PREP: variants seen among roughly 807,000 people sequenced by gnomAD.
PREP encodes the protein prolyl endopeptidase.
In PREP, 29 loss-of-function variants were observed where a neutral mutation model predicts 87.6. That is an observed-to-expected ratio of 0.33 (90% CI 0.25 to 0.45). The LOEUF is 0.45. PREP is among the 20% of genes least tolerant of loss of function. The pLI is 1.00. For synonymous variants in PREP, 337 were observed against 328.6 expected, an observed-to-expected ratio of 1.03 and a Z score of -0.28; for missense variants, 695 against 886.5, an observed-to-expected ratio of 0.78 and a Z score of 2.74.
At chr6:105,343,418 A>C (rs1234106620) in intron 7 of PREP, among the ~76,000 whole-genome samples, 2 of 152,228 alleles carry the variant, frequency 1.3e-5, no homozygotes, top group Non-Finnish European at 2.9e-5. Context: ...AAAAACCATA[A>C]AAACCCTAGA....
chr6:105,362,899 T>G (rs538304797), intron 6 of PREP, among the ~76,000 whole-genome samples: 27 of 152,192 alleles, frequency 1.8e-4, no homozygotes, highest in African/African-American at 6.3e-4. Context: ...GGAACACCAC[T>G]GGACTTTTCT....
intron 10 of PREP, among the ~76,000 whole-genome samples, chr6:105,321,432 G>A (rs757708933): frequency 5.3e-5 from 8 of 152,236 alleles, no homozygotes; most frequent in Non-Finnish European, 1.2e-4. Context: ...ACCTGGCAGC[G>A]CCGAAGCGCA....
At chr6:105,344,530 G>T (rs1390099302) in intron 7 of PREP, among the ~76,000 whole-genome samples, 1 of 151,328 alleles carries the variant, frequency 6.6e-6, no homozygotes, top group Non-Finnish European at 1.5e-5. Context: ...GTCCTTTGTA[G>T]GGACATGGAT....
chr6:105,285,370 T>A, intron 12 of PREP, 116 bp downstream of exon 12: 1 of 944,202 alleles, frequency 1.1e-6, no homozygotes, highest in South Asian at 1.7e-5. Context: ...TTTTCATTCG[T>A]CTAGCCAAAA....
Position 105,367,439 on chromosome 6 carries a change from C to T in PREP, c.717+1464G>A, listed in dbSNP as rs1056077169. 8.5e-5 allele frequency among the ~76,000 whole-genome samples: 13 copies of T among 152,076 alleles called. No homozygotes were observed. The East Asian group carries it at 1.9e-3, about 23-fold the overall frequency. ...CATGAAAAACGGACAATTGGGAGGC[C>T]GAAGCGGGCGGATCACGAGGTCAGG... is the stretch of plus-strand genomic sequence containing the variant. On this transcript the variant is annotated intron_variant, in intron 6 of 14. Transcript: ENST00000652536.
intron 2 of PREP, among the ~76,000 whole-genome samples, chr6:105,380,620 G>C (rs1418130457): frequency 6.6e-6 from 1 of 152,162 alleles, no homozygotes; most frequent in African/African-American, 2.4e-5. Context: ...AGTGGAAACA[G>C]AGAAAATGGG....
chr6:105,301,370 C>T (rs375151167), intron 10 of PREP, among the ~76,000 whole-genome samples: 12 of 152,222 alleles, frequency 7.9e-5, no homozygotes, highest in African/African-American at 2.9e-4. Context: ...AGGCAGCATG[C>T]AGAGGAACAA....
chr6:105,328,382 T>A (rs1328466785), intron 9 of PREP, among the ~76,000 whole-genome samples: 2 of 151,962 alleles, frequency 1.3e-5, no homozygotes, highest in Non-Finnish European at 2.9e-5. Context: ...CTCAGCCTCC[T>A]GAGCAGCTGG....
At chr6:105,330,499 C>G (rs1023146803) in intron 8 of PREP, among the ~76,000 whole-genome samples, 1 of 152,060 alleles carries the variant, frequency 6.6e-6, no homozygotes, top group African/African-American at 2.4e-5. Flanking sequence ...GCTGGGAGAG[C>G]AGGAGTGAGA....
At chr6:105,393,322 G>A (rs766738407) in intron 2 of PREP, among the ~76,000 whole-genome samples, 27 of 152,012 alleles carry the variant, frequency 1.8e-4, no homozygotes, top group African/African-American at 4.6e-4. Context: ...AGTGCCTGGC[G>A]TTTAAGGCTA....
intron 10 of PREP, among the ~76,000 whole-genome samples, chr6:105,314,557 AC>A (rs1299750025): frequency 2.6e-5 from 4 of 152,198 alleles, no homozygotes; most frequent in African/African-American, 9.6e-5. Context: ...TTGCTCATTC[AC>A]AAGAAGGCAA....
chr6:105,375,324 T>C (rs1481664010), intron 4 of PREP, among the ~76,000 whole-genome samples: 1 of 152,210 alleles, frequency 6.6e-6, no homozygotes. Flanking sequence ...TAACTAATCA[T>C]ATGGTTTTTT....
chr6:105,342,815 C>T (rs1196405884), intron 7 of PREP, among the ~76,000 whole-genome samples: 1 of 152,196 alleles, frequency 6.6e-6, no homozygotes, highest in Non-Finnish European at 1.5e-5. Context: ...AGGAATCCAA[C>T]TTACAAGGGA....
chr6:105,281,606 G>A (rs1770081868), intron 14 of PREP, 140 bp downstream of exon 14: 1 of 1,001,720 alleles, frequency 1.0e-6, no homozygotes, highest in African/African-American at 1.6e-5. Flanking sequence ...AGACAAGTAG[G>A]TAGTCCCATC....
chr6:105,357,319 G>A (rs935120014), intron 6 of PREP, among the ~76,000 whole-genome samples: 2 of 152,182 alleles, frequency 1.3e-5, no homozygotes, highest in Non-Finnish European at 2.9e-5. Context: ...AGATAGGGCA[G>A]TAACATTCAC....
At chr6:105,324,004 T>C (rs1336279218) in intron 9 of PREP, among the ~76,000 whole-genome samples, 1 of 152,236 alleles carries the variant, frequency 6.6e-6, no homozygotes, top group African/African-American at 2.4e-5. Flanking sequence ...TGCAGCCTTC[T>C]TTTTTATAAC....
intron 2 of PREP, among the ~76,000 whole-genome samples, chr6:105,386,157 A>C (rs1772990682): frequency 5.3e-5 from 8 of 152,146 alleles, no homozygotes. Flanking sequence ...CCAATGTCTA[A>C]TAAAATTGTG....
chr6:105,302,049 G>A (rs1021816749), intron 10 of PREP, among the ~76,000 whole-genome samples: 2 of 152,232 alleles, frequency 1.3e-5, no homozygotes, highest in African/African-American at 4.8e-5. Flanking sequence ...ACAGGGCTAG[G>A]ATGAATAAAT....
intron 3 of PREP, 90 bp from the exon 4 acceptor site, chr6:105,376,345 C>A (rs1019097268): frequency 2.1e-4 from 309 of 1,452,052 alleles, no homozygotes; most frequent in Non-Finnish European, 2.8e-4. Flanking sequence ...CAAAACAAAA[C>A]CAAAGACCTA....
Sources: allele counts gnomAD v4.1 joint callset (sites outside exome capture counted in the v4.1 genomes callset), GRCh38; gene constraint gnomAD v4.1.1; transcripts MANE v1.5; gene names NCBI Gene and HGNC (gene_info 2026-07-23, HGNC 2026-07-21).